Variants in DGKH observed in about 807,000 individuals in gnomAD.
The protein encoded by DGKH is diacylglycerol kinase eta, also known as DAG kinase eta.
Under a neutral mutation model 159.3 loss-of-function variants are expected in DGKH, and 90 were observed. The observed-to-expected ratio is 0.57, with a 90% CI of 0.48 to 0.67. DGKH has a LOEUF of 0.67. DGKH is among the 30% of genes least tolerant of loss of function. The pLI is 0.00. For missense variants in DGKH, 1,181 were observed against 1,506.1 expected, an observed-to-expected ratio of 0.78 and a Z score of 3.57; for synonymous variants, 536 against 553.8, an observed-to-expected ratio of 0.97 and a Z score of 0.45.
rs538901153 is a variant in DGKH at position 42,070,825 on chromosome 13, T to C, written c.192+21860T>C. On this transcript the variant is annotated intron_variant, in intron 1 of 29. Transcript: ENST00000337343. ...AAGAGAGCCCACATCATCTGTTAAT[T>C]GGCTCCCACTGGGACCAGGAATTTC... The C allele has an allele frequency of 1.3e-5, 18 of 1,355,486 alleles. 1 individual carries two copies. In the South Asian group the frequency reaches 2.1e-4, roughly 16 times the overall value. The allele number at this position is 1,355,486 out of a possible 1,614,324, so 84.0% of individuals were successfully genotyped here. A position where few individuals can be genotyped will look rare whatever the true frequency, so the allele number is the denominator to read the frequency against.
intron 18 of DGKH, 60 bp downstream of exon 18, chr13:42,198,655 A>T (rs1957269712): frequency 7.9e-7 from 1 of 1,270,768 alleles, no homozygotes; most frequent in South Asian, 1.3e-5. Context: ...TTTTTTTTCA[A>T]CATGAACTGT....
intron 1 of DGKH, among the ~76,000 whole-genome samples, chr13:42,119,518 C>T (rs1438490686): frequency 6.6e-6 from 1 of 152,190 alleles, no homozygotes; most frequent in African/African-American, 2.4e-5. Context: ...TCTTCCATGA[C>T]ATTCAGTGTA....
At chr13:42,206,194 A>G in intron 21 of DGKH, 48 bp downstream of exon 21, 1 of 1,225,428 alleles carries the variant, frequency 8.2e-7, no homozygotes, top group Non-Finnish European at 1.1e-6. Context: ...TAATTATATC[A>G]CTGGAATAAT....
Position 42,225,640 on chromosome 13 carries a change from G to A in DGKH, c.3574-3459G>A, listed in dbSNP as rs151301926. Among the ~76,000 whole-genome samples the A allele has an allele frequency of 3.8e-3, 572 of 152,062 alleles. 2 individuals are homozygous for A. The highest frequency in any genetic ancestry group is 0.013 in the African/African-American group (545 of 41,502). ...ATACAAAAATTAGCTGGGCATGGTG[G>A]TGCATGCCTGTAGTCCCAGCTACTC... On this transcript the variant is annotated intron_variant, in intron 29 of 29. Transcript: ENST00000337343.
At chr13:42,213,937 A>G (rs1957726810) in intron 24 of DGKH, among the ~76,000 whole-genome samples, 1 of 152,216 alleles carries the variant, frequency 6.6e-6, no homozygotes, top group African/African-American at 2.4e-5. Flanking sequence ...TTAAATAGAC[A>G]TGGATTCCGA....
chr13:42,055,500 C>T (rs1025069651), intron 1 of DGKH, among the ~76,000 whole-genome samples: 19 of 152,086 alleles, frequency 1.2e-4, no homozygotes, highest in African/African-American at 4.3e-4. Flanking sequence ...TATAACTTAA[C>T]GATGCCGTAT....
At chr13:42,074,089 T>G (rs1385704225) in intron 1 of DGKH, among the ~76,000 whole-genome samples, 3 of 152,216 alleles carry the variant, frequency 2.0e-5, no homozygotes. Flanking sequence ...TATGATCAAA[T>G]AAGTGTTTTT....
chr13:42,171,598 A>G (rs1025237872), intron 11 of DGKH, among the ~76,000 whole-genome samples: 8 of 152,224 alleles, frequency 5.3e-5, no homozygotes, highest in African/African-American at 1.9e-4. Flanking sequence ...ATTTCCAGCT[A>G]TAAGGAACTT....
intron 1 of DGKH, among the ~76,000 whole-genome samples, chr13:42,108,831 A>G (rs1445630783): frequency 6.7e-6 from 1 of 150,322 alleles, no homozygotes; most frequent in Non-Finnish European, 1.5e-5. Flanking sequence ...AGTGGAAGCT[A>G]TAATGCATGC....
chr13:42,061,068 C>T (rs1488722262), intron 1 of DGKH, among the ~76,000 whole-genome samples: 1 of 152,048 alleles, frequency 6.6e-6, no homozygotes, highest in African/African-American at 2.4e-5. Flanking sequence ...AGGAAGGGGT[C>T]TCCGAGCAGA....
intron 29 of DGKH, among the ~76,000 whole-genome samples, chr13:42,222,485 T>C (rs994382367): frequency 6.6e-6 from 1 of 152,086 alleles, no homozygotes; most frequent in Non-Finnish European, 1.5e-5. Context: ...ATAAAATAAT[T>C]AATTAATTAC....
intron 17 of DGKH, among the ~76,000 whole-genome samples, chr13:42,197,409 A>T (rs1156323750): frequency 6.6e-6 from 1 of 152,098 alleles, no homozygotes; most frequent in East Asian, 1.9e-4. Context: ...GGCATAAAGA[A>T]GTATGCCACA....
intron 1 of DGKH, among the ~76,000 whole-genome samples, chr13:42,040,969 C>T (rs1880461241): frequency 6.6e-6 from 1 of 151,290 alleles, no homozygotes; most frequent in Admixed American, 6.6e-5. Context: ...CGCCCACCCC[C>T]TCCCGCTTCT....
rs937080635 is a variant in DGKH, at chr13:42,230,546, A to G, written c.*1358A>G. 5 of 151,998 alleles carry G rather than the reference A, an allele frequency of 3.3e-5. No homozygotes were observed. Among genetic ancestry groups the G allele is most frequent in the African/African-American group, 4.8e-5 (2 of 41,424 alleles). The allele number at this position is 151,998 out of a possible 1,614,324, so 9.4% of individuals were successfully genotyped here. On this transcript the variant is annotated 3_prime_UTR_variant, in exon 30 of 30. Transcript: ENST00000337343. ...TTCTTTAGCCATTATATACCAAAAC[A>G]TTAATTATAATATTTTAAAATTTGT...
intron 1 of DGKH, among the ~76,000 whole-genome samples, chr13:42,104,962 A>G (rs1468642235): frequency 6.6e-6 from 1 of 152,214 alleles, no homozygotes; most frequent in Non-Finnish European, 1.5e-5. Flanking sequence ...TATAAAATAT[A>G]TGAACTTGGC....
chr13:42,129,039 G>A (rs182843082), intron 2 of DGKH, among the ~76,000 whole-genome samples: 1 of 152,322 alleles, frequency 6.6e-6, no homozygotes, highest in Non-Finnish European at 1.5e-5. Flanking sequence ...TACAAAAAAG[G>A]TCATCTGCTA....
Position 42,233,787 on chromosome 13 carries a change from GA to G in DGKH, c.*4600del, listed in dbSNP as rs1447715843. The G allele has an allele frequency of 6.6e-6, 1 of 152,132 alleles. No homozygotes were observed. The highest frequency in any genetic ancestry group is 1.5e-5 in the Non-Finnish European group (1 of 68,028). The allele number at this position is 152,132 out of a possible 1,614,324, so 9.4% of individuals were successfully genotyped here. A position where few individuals can be genotyped will look rare whatever the true frequency, so the allele number is the denominator to read the frequency against. ...ATTTGTTCACAACTTAATCACGGGG[GA>G]CATTTCAGAAAAATGTGTACTAAGT... On this transcript the variant is annotated 3_prime_UTR_variant, in exon 30 of 30. Transcript: ENST00000337343.
intron 1 of DGKH, among the ~76,000 whole-genome samples, chr13:42,098,782 T>C (rs1342980084): frequency 1.3e-5 from 2 of 152,248 alleles, no homozygotes; most frequent in African/African-American, 4.8e-5. Flanking sequence ...TTTGAGTGCA[T>C]CTTTGTGCTA....
chr13:42,099,950 TGAA>T (rs1353047982), intron 1 of DGKH, among the ~76,000 whole-genome samples: 1 of 152,198 alleles, frequency 6.6e-6, no homozygotes, highest in Non-Finnish European at 1.5e-5. Context: ...AAAACAGTAA[TGAA>T]GAACAGCATG....
Sources: allele counts gnomAD v4.1 joint callset (sites outside exome capture counted in the v4.1 genomes callset), GRCh38; gene constraint gnomAD v4.1.1; transcripts MANE v1.5; gene names NCBI Gene and HGNC (gene_info 2026-07-23, HGNC 2026-07-21).